Variants in SARNP observed in about 807,000 individuals in gnomAD.
SARNP encodes SAP domain containing ribonucleoprotein.
SARNP carries 5 observed loss-of-function variants against 38.1 expected under a neutral mutation model. The observed-to-expected ratio is 0.13, with a 90% confidence interval of 0.07 to 0.28. The LOEUF is 0.28. Ranked by LOEUF, SARNP falls within the 10% of genes least tolerant of loss-of-function variation. SARNP has a pLI of 1.00. For missense variants in SARNP, 180 were observed against 243.9 expected, an observed-to-expected ratio of 0.74 and a Z score of 1.75; for synonymous variants, 84 against 80.6, an observed-to-expected ratio of 1.04 and a Z score of -0.23.
At chr12:55,810,735 G>T (rs888678952) in intron 1 of SARNP, among the ~76,000 whole-genome samples, 1 of 151,550 alleles carries the variant, frequency 6.6e-6, no homozygotes, top group Non-Finnish European at 1.5e-5. Context: ...TTACAGGCAT[G>T]AGCTACCACA....
intron 9 of SARNP, among the ~76,000 whole-genome samples, chr12:55,765,297 G>A (rs1415394776): frequency 6.6e-6 from 1 of 152,030 alleles, no homozygotes; most frequent in Non-Finnish European, 1.5e-5. Context: ...TTCTTTATTT[G>A]GCTATATCCT....
At chr12:55,812,321 C>T (rs961192918) in intron 1 of SARNP, among the ~76,000 whole-genome samples, 64 of 152,300 alleles carry the variant, frequency 4.2e-4, no homozygotes, top group Middle Eastern at 3.4e-3. Flanking sequence ...TCCTATTTTT[C>T]TCTATGTGCC....
At chr12:55,800,058 G>A (rs1879934897) in intron 4 of SARNP, among the ~76,000 whole-genome samples, 1 of 151,780 alleles carries the variant, frequency 6.6e-6, no homozygotes, top group Non-Finnish European at 1.5e-5. Context: ...GGCAGTAGTG[G>A]CACACACCTA....
intron 9 of SARNP, 107 bp from the exon 10 acceptor site, chr12:55,760,747 C>T: frequency 1.4e-6 from 1 of 730,266 alleles, no homozygotes. Flanking sequence ...CAACCCTGTG[C>T]CAAGAACTAA....
downstream of SARNP, chr12:55,756,343 A>G (rs1031741741): frequency 5.3e-5 from 8 of 152,228 alleles, no homozygotes; most frequent in African/African-American, 1.9e-4. Flanking sequence ...CAATTTTTCT[A>G]AATTATCTAA....
At chr12:55,788,224 A>G (rs1879562111) in intron 9 of SARNP, among the ~76,000 whole-genome samples, 1 of 152,236 alleles carries the variant, frequency 6.6e-6, no homozygotes, top group African/African-American at 2.4e-5. Context: ...AAAGGCAACT[A>G]TGCCCTGGGG....
chr12:55,768,859 G>A (rs1421717726), intron 9 of SARNP, among the ~76,000 whole-genome samples: 1 of 152,146 alleles, frequency 6.6e-6, no homozygotes, highest in Admixed American at 6.5e-5. Context: ...AAGTAGCTGG[G>A]ATTACAGGTG....
At position 55,796,087 on chromosome 12, in the gene SARNP, AAG is replaced by A. The variant is rs1475140157; in HGVS notation, c.252-13_252-12del. On this transcript the variant is annotated splice_polypyrimidine_tract_variant and intron_variant, in intron 4 of 10. Coordinates refer to ENST00000336133, the MANE Select transcript of SARNP (RefSeq NM_033082.4). ...TTCTTCTCTGCTGCCCTAGAAAAGA[AAG>A]AGATTTTTTAAAATGAGAAAACTGA... 1.2e-5 allele frequency: 19 copies of A among 1,598,082 alleles called. No homozygotes were observed. Among genetic ancestry groups the A allele is most frequent in the Non-Finnish European group, 1.5e-5 (18 of 1,166,108 alleles).
intron 10 of SARNP, among the ~76,000 whole-genome samples, chr12:55,757,768 TGAG>T (rs1456932140): frequency 1.3e-5 from 2 of 151,342 alleles, no homozygotes; most frequent in African/African-American, 4.9e-5. Context: ...GTAAGGAGGG[TGAG>T]GAGTAAAGAA....
At chr12:55,802,952 GA>G (rs982545064) in intron 2 of SARNP, among the ~76,000 whole-genome samples, 1 of 147,250 alleles carries the variant, frequency 6.8e-6, no homozygotes, top group Non-Finnish European at 1.5e-5. Flanking sequence ...AATACTTAGT[GA>G]AAAAAATGAG....
chr12:55,761,373 A>G (rs575214779), intron 9 of SARNP, among the ~76,000 whole-genome samples: 65 of 152,294 alleles, frequency 4.3e-4, no homozygotes, highest in African/African-American at 1.4e-3. Flanking sequence ...CCAAGGAAAG[A>G]AAGGGGAAGA....
intron 5 of SARNP, 146 bp downstream of exon 5, chr12:55,795,879 G>T (rs1053769695): frequency 3.4e-6 from 2 of 583,486 alleles, no homozygotes; most frequent in African/African-American, 1.9e-5. Flanking sequence ...CCAAAGAGTA[G>T]CTGGCAGTGA....
At chr12:55,794,264 A>G in intron 7 of SARNP, 95 bp downstream of exon 7, 8 of 1,111,126 alleles carry the variant, frequency 7.2e-6, no homozygotes, top group Non-Finnish European at 1.1e-5. Context: ...TTCTACAGCT[A>G]GCAAATTTAC....
chr12:55,753,511 T>G (rs1878399691), downstream of SARNP: 1 of 152,132 alleles, frequency 6.6e-6, no homozygotes, highest in Non-Finnish European at 1.5e-5. Context: ...GGCTTACATC[T>G]GTAATCCCAG....
chr12:55,784,390 GATAA>G (rs143998622), intron 9 of SARNP, among the ~76,000 whole-genome samples: 1,533 of 152,270 alleles, frequency 0.01, 12 homozygotes, highest in Non-Finnish European at 0.015. Flanking sequence ...TCATTCTAGT[GATAA>G]ATAGTTAAGC....
chr12:55,793,940 A>C (rs1365423826), intron 7 of SARNP: 1 of 186,936 alleles, frequency 5.3e-6, no homozygotes, highest in African/African-American at 2.4e-5. Flanking sequence ...CTAAGTCTTT[A>C]TGCACATTCA....
intron 2 of SARNP, among the ~76,000 whole-genome samples, chr12:55,803,056 C>G (rs74591858): frequency 1.3e-5 from 2 of 151,496 alleles, no homozygotes; most frequent in African/African-American, 4.8e-5. Context: ...CCAGGAAAAA[C>G]ACCAAAAAAA....
chr12:55,807,943 A>G (rs1166844803), intron 1 of SARNP, among the ~76,000 whole-genome samples: 1 of 152,174 alleles, frequency 6.6e-6, no homozygotes, highest in Non-Finnish European at 1.5e-5. Context: ...GTTTGTTATA[A>G]AAGTATTATG....
At chr12:55,794,556 A>G (rs1186803929) in intron 6 of SARNP, among the ~76,000 whole-genome samples, 169 bp from the exon 7 acceptor site, 2 of 152,188 alleles carry the variant, frequency 1.3e-5, no homozygotes, top group African/African-American at 4.8e-5. Flanking sequence ...AGCTAAAAGG[A>G]AGCCTTATCA....
Sources: gnomAD v4.1 joint callset for allele counts (sites outside exome capture counted in the v4.1 genomes callset) on GRCh38, gnomAD v4.1.1 for gene constraint, MANE v1.5 for transcripts, NCBI Gene and HGNC (gene_info 2026-07-23, HGNC 2026-07-21) for gene names.